NRXN3: variants seen among roughly 807,000 people sequenced by gnomAD.
NRXN3 encodes neurexin 3, also known as neurexin III.
NRXN3 carries 32 observed loss-of-function variants against 137.6 expected under a neutral mutation model. The observed-to-expected ratio is 0.23, with a 90% CI of 0.18 to 0.31. NRXN3 has a LOEUF of 0.31. Among genes scored for constraint, NRXN3 ranks in the 10% least tolerant of loss-of-function variants. NRXN3 has a pLI of 1.00. For missense variants in NRXN3, 1,574 were observed against 2,062.5 expected (o/e 0.76, Z 4.59); for synonymous variants, 798 against 784.5 (o/e 1.02, Z -0.29).
At chr14:78,679,359 A>G (rs2152737983) in intron 6 of NRXN3, among the ~76,000 whole-genome samples, 1 of 152,114 alleles carries the variant, frequency 6.6e-6, no homozygotes, top group South Asian at 2.1e-4. Context: ...ATTAGTGTGG[A>G]CCCTTTTTTG....
chr14:78,752,837 A>G (rs1808880180), intron 8 of NRXN3, among the ~76,000 whole-genome samples: 1 of 152,172 alleles, frequency 6.6e-6, no homozygotes, highest in South Asian at 2.1e-4. Context: ...AAGCCTGGTC[A>G]TTAGGAGCTT....
At chr14:78,922,243 T>G (rs1441684017) in intron 10 of NRXN3, among the ~76,000 whole-genome samples, 1 of 152,196 alleles carries the variant, frequency 6.6e-6, no homozygotes, top group Non-Finnish European at 1.5e-5. Context: ...ACAGTCATAA[T>G]GAGATTCAGT....
intron 8 of NRXN3, among the ~76,000 whole-genome samples, chr14:78,715,455 T>C (rs533589014): frequency 6.6e-6 from 1 of 152,332 alleles, no homozygotes; most frequent in South Asian, 2.1e-4. Context: ...ACTGGCTGTT[T>C]TATTCATTCA....
chr14:78,867,721 C>A (rs1280577460), intron 10 of NRXN3, among the ~76,000 whole-genome samples: 2 of 152,062 alleles, frequency 1.3e-5, no homozygotes, highest in South Asian at 2.1e-4. Context: ...AACAAGTAGG[C>A]CTTGCCGTGT....
chr14:78,695,355 C>A (rs946208319), intron 6 of NRXN3: 1 of 152,004 alleles, frequency 6.6e-6, no homozygotes, highest in African/African-American at 2.4e-5. Context: ...CATTATTCAG[C>A]CTACTACAGA....
At chr14:78,217,970 T>C (rs934648953) in intron 1 of NRXN3, among the ~76,000 whole-genome samples, 2 of 152,220 alleles carry the variant, frequency 1.3e-5, no homozygotes, top group African/African-American at 2.4e-5. Flanking sequence ...TTAAATAGCA[T>C]TGTCTTAATG....
At chr14:78,685,629 C>CTTT (rs36106336) in intron 6 of NRXN3, among the ~76,000 whole-genome samples, 16 of 80,198 alleles carry the variant, frequency 2.0e-4, no homozygotes, top group East Asian at 1.1e-3. Flanking sequence ...AGAAATGTCA[C>CTTT]TTTTTTTTTT....
At chr14:78,396,288 T>C (rs188999569) in intron 4 of NRXN3, among the ~76,000 whole-genome samples, 73 of 152,198 alleles carry the variant, frequency 4.8e-4, no homozygotes, top group African/African-American at 1.6e-3. Context: ...CCTCCCCTAT[T>C]TATAATTTTA....
Position 79,602,885 on chromosome 14 carries a change from G to C in NRXN3, c.3445-60893G>C, listed in dbSNP as rs147718127. ...CAACTACCTGCCAAGTGTCTGTGCT[G>C]GAATTACCTAATGGCATTTGATCGT... is the stretch of plus-strand genomic sequence containing the variant. On this transcript the variant is annotated intron_variant, in intron 16 of 20. Transcript: ENST00000335750. Among the ~76,000 whole-genome samples, 602 of 152,240 alleles carry C rather than the reference G, an allele frequency of 4.0e-3. 7 individuals carry two copies. The highest frequency in any genetic ancestry group is 0.014 in the African/African-American group (565 of 41,540).
intron 10 of NRXN3, among the ~76,000 whole-genome samples, chr14:78,906,728 AT>A (rs2099218051): frequency 6.6e-6 from 1 of 151,586 alleles, no homozygotes; most frequent in Admixed American, 6.6e-5. Context: ...ACTTGAATTC[AT>A]TTTCTCTGTT....
intron 17 of NRXN3, among the ~76,000 whole-genome samples, chr14:79,688,446 G>T (rs748732007): frequency 1.3e-5 from 2 of 152,076 alleles, no homozygotes; most frequent in African/African-American, 4.8e-5. Flanking sequence ...AAGTGTAAGC[G>T]CAGTGTTGTA....
chr14:79,223,698 C>G (rs1403468921), intron 15 of NRXN3, among the ~76,000 whole-genome samples: 4 of 152,120 alleles, frequency 2.6e-5, no homozygotes, highest in Non-Finnish European at 5.9e-5. Flanking sequence ...CCTTCAATAA[C>G]CAAATCTATG....
chr14:78,910,534 A>G (rs913123882), intron 10 of NRXN3, among the ~76,000 whole-genome samples: 2 of 151,990 alleles, frequency 1.3e-5, no homozygotes, highest in African/African-American at 2.4e-5. Context: ...TTTTCCCCCA[A>G]GATAGTCACA....
intron 15 of NRXN3, among the ~76,000 whole-genome samples, chr14:79,307,796 A>ATT (rs997604156): frequency 6.8e-6 from 1 of 146,944 alleles, no homozygotes; most frequent in Admixed American, 6.8e-5. Flanking sequence ...CTCTTTCTTT[A>ATT]TTTTTTTTCT....
chr14:78,232,765 T>A (rs945707419), intron 1 of NRXN3, among the ~76,000 whole-genome samples: 1 of 152,214 alleles, frequency 6.6e-6, no homozygotes, highest in Non-Finnish European at 1.5e-5. Flanking sequence ...AGGGTGATTA[T>A]CTTCATTATA....
In NRXN3 at chr14:79,456,668, G is replaced by A. The variant is rs182409193; in HGVS notation, c.3263-10553G>A. Among the ~76,000 whole-genome samples, 978 of 151,934 alleles carry A rather than the reference G, an allele frequency of 6.4e-3. 13 individuals are homozygous for A. The highest frequency in any genetic ancestry group is 0.023 in the African/African-American group (945 of 41,434). ...CTTGAACCTGGAGGCAGAGGTTGCT[G>A]TGAGCCCTGATCACCCCACTACACT... On this transcript the variant is annotated intron_variant, in intron 15 of 20. Coordinates refer to ENST00000335750, the MANE Select transcript of NRXN3 (RefSeq NM_001330195.2).
chr14:79,471,005 A>G (rs2096499634), intron 16 of NRXN3, among the ~76,000 whole-genome samples: 1 of 145,564 alleles, frequency 6.9e-6, no homozygotes, highest in African/African-American at 2.6e-5. Flanking sequence ...TGTTGGGGAG[A>G]AGGAGAAGAG....
At chr14:78,730,418 C>T (rs61445634) in intron 8 of NRXN3, among the ~76,000 whole-genome samples, 8,916 of 151,862 alleles carry the variant, frequency 0.059, 355 homozygotes, top group East Asian at 0.12. Flanking sequence ...TATTTTTTTC[C>T]CTGATAAACC....
chr14:78,998,501 C>T (rs1011518034), intron 15 of NRXN3, among the ~76,000 whole-genome samples: 3 of 152,218 alleles, frequency 2.0e-5, no homozygotes, highest in Middle Eastern at 3.4e-3. Context: ...CCAAAGAAAA[C>T]GTTGCAAGAA....
Sources: allele counts gnomAD v4.1 joint callset (sites outside exome capture counted in the v4.1 genomes callset), GRCh38; gene constraint gnomAD v4.1.1; transcripts MANE v1.5; gene names NCBI Gene and HGNC (gene_info 2026-07-23, HGNC 2026-07-21).